The following CNTN5 variants were observed in gnomAD, a reference collection of about 807,000 sequenced individuals.
The protein encoded by CNTN5 is contactin 5.
In CNTN5, 77 loss-of-function variants were observed where a neutral mutation model predicts 129.1. The observed-to-expected ratio is 0.60, with a 90% CI of 0.50 to 0.72. The LOEUF is 0.72. Ranked by LOEUF, CNTN5 falls within the 30% of genes least tolerant of loss-of-function variation. The pLI, the probability that CNTN5 is intolerant of heterozygous loss-of-function variation, is 0.00. For synonymous variants in CNTN5, 509 were observed against 465.6 expected (o/e 1.09, Z -1.20); for missense variants, 1,478 against 1,328.8 (o/e 1.11, Z -1.75).
At chr11:99,033,613 G>C (rs1452624833) in intron 1 of CNTN5, among the ~76,000 whole-genome samples, 17 of 151,502 alleles carry the variant, frequency 1.1e-4, no homozygotes, top group African/African-American at 4.1e-4. Context: ...TTTGTACATT[G>C]ATTTTGTATC....
intron 6 of CNTN5, among the ~76,000 whole-genome samples, chr11:99,856,593 A>G (rs1948042336): frequency 7.3e-6 from 1 of 137,088 alleles, no homozygotes; most frequent in East Asian, 2.2e-4. Flanking sequence ...AGCACTGTGC[A>G]CTTTATTCTT....
At chr11:99,164,005 T>C (rs1860747270) in intron 1 of CNTN5, among the ~76,000 whole-genome samples, 1 of 152,186 alleles carries the variant, frequency 6.6e-6, no homozygotes, top group Non-Finnish European at 1.5e-5. Flanking sequence ...CTGATTAATA[T>C]GATTGATATA....
At chr11:99,273,808 T>G (rs1029136494) in intron 1 of CNTN5, among the ~76,000 whole-genome samples, 3 of 151,656 alleles carry the variant, frequency 2.0e-5, no homozygotes, top group Non-Finnish European at 2.9e-5. Flanking sequence ...ATTTTTTTTT[T>G]GAATAGTCAA....
chr11:99,294,008 T>G (rs2135927583), intron 1 of CNTN5, among the ~76,000 whole-genome samples: 1 of 152,200 alleles, frequency 6.6e-6, no homozygotes, highest in South Asian at 2.1e-4. Context: ...ATTGTTAGGC[T>G]GTTTATTTGA....
chr11:99,826,181 A>G (rs1946951628), intron 4 of CNTN5, among the ~76,000 whole-genome samples: 1 of 151,946 alleles, frequency 6.6e-6, no homozygotes, highest in South Asian at 2.1e-4. Flanking sequence ...TTTTTTATCT[A>G]TGTTGTAATT....
In CNTN5 at chr11:99,370,911, T is replaced by C. The variant is rs79910161; in HGVS notation, c.-71+45427T>C. ...TGTGGGTCTTTGTTTCCCTACTCAT[T>C]CTCCTACAGTGTTTGGGAGAAGAAG... On this transcript the variant is annotated intron_variant, in intron 2 of 24. Coordinates refer to ENST00000524871, the MANE Select transcript of CNTN5 (RefSeq NM_014361.4). Among the ~76,000 whole-genome samples, 1,485 of 152,246 alleles carry C rather than the reference T, an allele frequency of 9.8e-3. 18 individuals are homozygous for C. Among genetic ancestry groups the C allele is most frequent in the Non-Finnish European group, 0.014 (927 of 68,016 alleles).
chr11:99,130,357 A>C (rs2135431221), intron 1 of CNTN5, among the ~76,000 whole-genome samples: 1 of 152,316 alleles, frequency 6.6e-6, no homozygotes. Context: ...AAGATCAAAA[A>C]AAGACAAAGA....
chr11:99,502,467 A>G (rs1273546655), intron 2 of CNTN5, among the ~76,000 whole-genome samples: 1 of 151,964 alleles, frequency 6.6e-6, no homozygotes, highest in Non-Finnish European at 1.5e-5. Flanking sequence ...AGTGAGTTCT[A>G]AGGAGATCTG....
chr11:99,734,438 C>G (rs1288874941), intron 3 of CNTN5, among the ~76,000 whole-genome samples: 1 of 152,170 alleles, frequency 6.6e-6, no homozygotes, highest in Non-Finnish European at 1.5e-5. Flanking sequence ...TCATCTCAGG[C>G]CACCATAAGT....
At chr11:99,355,768 T>G (rs1226346929) in intron 2 of CNTN5, among the ~76,000 whole-genome samples, 2 of 152,040 alleles carry the variant, frequency 1.3e-5, no homozygotes, top group African/African-American at 2.4e-5. Context: ...ATATCGGCCT[T>G]AACTAGTTTA....
intron 1 of CNTN5, among the ~76,000 whole-genome samples, chr11:99,088,538 G>A (rs1031974461): frequency 6.6e-6 from 1 of 152,158 alleles, no homozygotes; most frequent in African/African-American, 2.4e-5. Context: ...GATGCACCTT[G>A]TAGTAACGAT....
intron 3 of CNTN5, among the ~76,000 whole-genome samples, chr11:99,593,482 A>G (rs150315624): frequency 6.6e-6 from 1 of 152,304 alleles, no homozygotes; most frequent in East Asian, 1.9e-4. Context: ...AAAAGTATGT[A>G]TCATCATGTG....
At chr11:99,202,816 T>A (rs2135636118) in intron 1 of CNTN5, among the ~76,000 whole-genome samples, 1 of 151,408 alleles carries the variant, frequency 6.6e-6, no homozygotes, top group African/African-American at 2.4e-5. Context: ...ATATAGTAAA[T>A]GCCATTGAAT....
chr11:100,124,928 A>C (rs1946135331), intron 13 of CNTN5, among the ~76,000 whole-genome samples: 1 of 152,096 alleles, frequency 6.6e-6, no homozygotes. Flanking sequence ...GTATGCATAA[A>C]ATTAATCTGG....
At chr11:99,960,485 A>C (rs966087964) in intron 8 of CNTN5, among the ~76,000 whole-genome samples, 1 of 152,180 alleles carries the variant, frequency 6.6e-6, no homozygotes, top group Non-Finnish European at 1.5e-5. Flanking sequence ...TTAATATATA[A>C]TTATGACTTA....
At chr11:100,287,948 G>C (rs983555709) in intron 18 of CNTN5, among the ~76,000 whole-genome samples, 1 of 151,930 alleles carries the variant, frequency 6.6e-6, no homozygotes, top group Non-Finnish European at 1.5e-5. Flanking sequence ...AAAAGGCAGG[G>C]GTTGCAATCC....
chr11:99,804,190 TAATG>T (rs1250551852), intron 3 of CNTN5, among the ~76,000 whole-genome samples: 2 of 152,070 alleles, frequency 1.3e-5, no homozygotes, highest in Non-Finnish European at 2.9e-5. Context: ...ATATGAATAA[TAATG>T]TGTTTTACAA....
At chr11:99,688,524 C>T (rs1049255473) in intron 3 of CNTN5, among the ~76,000 whole-genome samples, 5 of 152,224 alleles carry the variant, frequency 3.3e-5, no homozygotes, top group African/African-American at 9.6e-5. Context: ...AGTAAGGAGT[C>T]AATCGTGTAA....
intron 13 of CNTN5, among the ~76,000 whole-genome samples, chr11:100,154,137 G>A (rs962829077): frequency 6.6e-6 from 1 of 152,034 alleles, no homozygotes; most frequent in Non-Finnish European, 1.5e-5. Context: ...CCCTGTGTGT[G>A]ATGTTCCCCA....
Sources: allele counts gnomAD v4.1 joint callset (sites outside exome capture counted in the v4.1 genomes callset), GRCh38; gene constraint gnomAD v4.1.1; transcripts MANE v1.5; gene names NCBI Gene and HGNC (gene_info 2026-07-23, HGNC 2026-07-21).